The following PRKG1 variants were observed in gnomAD, a reference collection of about 807,000 sequenced individuals.
The protein encoded by PRKG1 is protein kinase cGMP-dependent 1.
Under a neutral mutation model 88.1 loss-of-function variants are expected in PRKG1, and 35 were observed. The ratio of observed to expected loss-of-function variants is 0.40; its 90% CI spans 0.30 to 0.53. The LOEUF is 0.53. Among genes scored for constraint, PRKG1 ranks in the 20% least tolerant of loss-of-function variants. The pLI, the probability that PRKG1 is intolerant of heterozygous loss-of-function variation, is 0.59. For synonymous variants in PRKG1, 303 were observed against 292.5 expected, an observed-to-expected ratio of 1.04 and a Z score of -0.37; for missense variants, 540 against 839.8, an observed-to-expected ratio of 0.64 and a Z score of 4.41.
chr10:51,514,701 C>A lies in PRKG1; in HGVS notation c.592+46865C>A, dbSNP rs149814123. ...TAAGGAGAAGGGTGACCTGCTTTAA[C>A]AGATTTTAAATCTAGATGAATCTGG... On this transcript the variant is annotated intron_variant, in intron 3 of 17. Coordinates refer to ENST00000373980, the MANE Select transcript of PRKG1 (RefSeq NM_006258.4). Among the ~76,000 whole-genome samples, 352 of 152,272 alleles carry A rather than the reference C, an allele frequency of 2.3e-3. 2 individuals are homozygous for A. Among genetic ancestry groups the A allele is most frequent in the Middle Eastern group, 0.01 (3 of 294 alleles).
chr10:51,105,155 G>A lies in PRKG1; in HGVS notation c.311+30254G>A, dbSNP rs537029080. Among the ~76,000 whole-genome samples, 721 of 152,318 alleles carry A rather than the reference G, an allele frequency of 4.7e-3. 4 individuals carry two copies. Among genetic ancestry groups the A allele is most frequent in the Non-Finnish European group, 7.6e-3 (515 of 68,022 alleles). ...CAAAGTGCTGTGATTGCAGGTGTGA[G>A]CCACTGCACCCAGCCCAGTCTTTCC... On this transcript the variant is annotated intron_variant, in intron 1 of 17. Transcript: ENST00000373980.
At chr10:51,161,972 G>A (rs1489063596) in intron 2 of PRKG1, among the ~76,000 whole-genome samples, 3 of 152,158 alleles carry the variant, frequency 2.0e-5, no homozygotes, top group Admixed American at 1.3e-4. Flanking sequence ...TGAAGAGTTT[G>A]CATGCTGAAC....
At chr10:51,174,024 A>C (rs1481272951) in intron 2 of PRKG1, among the ~76,000 whole-genome samples, 1 of 151,948 alleles carries the variant, frequency 6.6e-6, no homozygotes, top group Non-Finnish European at 1.5e-5. Flanking sequence ...GTATCCCTCA[A>C]GTATATTTTT....
chr10:51,853,948 G>A (rs1840618790), intron 4 of PRKG1, among the ~76,000 whole-genome samples: 1 of 151,922 alleles, frequency 6.6e-6, no homozygotes, highest in Non-Finnish European at 1.5e-5. Context: ...TGTTCAACCA[G>A]CAAGTGGTAA....
intron 3 of PRKG1, chr10:51,697,700 C>G: frequency 1.2e-6 from 2 of 1,613,944 alleles, no homozygotes; most frequent in Non-Finnish European, 1.7e-6. Flanking sequence ...TAAAACCTTT[C>G]AAGACGCTCC....
intron 4 of PRKG1, among the ~76,000 whole-genome samples, chr10:51,855,003 T>C (rs981553402): frequency 1.3e-5 from 2 of 152,258 alleles, no homozygotes; most frequent in Admixed American, 1.3e-4. Context: ...AGTGGATGAG[T>C]GTTAAAACCA....
chr10:51,641,269 T>A (rs1352152917), intron 3 of PRKG1, among the ~76,000 whole-genome samples: 1 of 152,114 alleles, frequency 6.6e-6, no homozygotes, highest in African/African-American at 2.4e-5. Flanking sequence ...GTGGAGAACA[T>A]TACCACCACC....
chr10:51,183,559 T>G (rs1349602896), intron 2 of PRKG1, among the ~76,000 whole-genome samples: 1 of 145,190 alleles, frequency 6.9e-6, no homozygotes, highest in Non-Finnish European at 1.5e-5. Flanking sequence ...TATTGTTGCA[T>G]TTTATAAATG....
chr10:51,034,979 C>T (rs551086268), intron 1 of PRKG1, among the ~76,000 whole-genome samples: 47 of 151,912 alleles, frequency 3.1e-4, no homozygotes, highest in Non-Finnish European at 4.6e-4. Flanking sequence ...TGCCCTCAAT[C>T]TTCTGTAACA....
intron 3 of PRKG1, among the ~76,000 whole-genome samples, chr10:51,691,496 T>C (rs1318975812): frequency 6.6e-6 from 1 of 151,832 alleles, no homozygotes; most frequent in Non-Finnish European, 1.5e-5. Flanking sequence ...TTGTATACTT[T>C]ATAGAGACAG....
intron 2 of PRKG1, among the ~76,000 whole-genome samples, chr10:51,406,391 C>T (rs763500797): frequency 1.3e-5 from 2 of 152,116 alleles, no homozygotes; most frequent in African/African-American, 2.4e-5. Context: ...TATCATTTTA[C>T]TAGCAGATGA....
At chr10:51,909,274 G>A (rs1842161535) in intron 5 of PRKG1, 1 of 152,242 alleles carries the variant, frequency 6.6e-6, no homozygotes, top group Non-Finnish European at 1.5e-5. Flanking sequence ...TTGGCAGGTA[G>A]ATGGTTTCTT....
chr10:51,983,003 G>T (rs1348280279), intron 5 of PRKG1, among the ~76,000 whole-genome samples: 1 of 152,148 alleles, frequency 6.6e-6, no homozygotes, highest in South Asian at 2.1e-4. Context: ...ATGGGGCACT[G>T]GTGGCCTCTT....
intron 2 of PRKG1, among the ~76,000 whole-genome samples, chr10:51,446,386 A>G (rs958657616): frequency 2.0e-5 from 3 of 151,874 alleles, no homozygotes; most frequent in Non-Finnish European, 4.4e-5. Flanking sequence ...TTCCTGATCT[A>G]GGAATTCTTG....
At chr10:51,391,634 A>G (rs889826711) in intron 2 of PRKG1, among the ~76,000 whole-genome samples, 30 of 152,206 alleles carry the variant, frequency 2.0e-4, no homozygotes, top group Admixed American at 1.4e-3. Context: ...TAGGCAGAGA[A>G]AGGATTAGGG....
intron 5 of PRKG1, among the ~76,000 whole-genome samples, chr10:51,966,658 G>A (rs1488225396): frequency 6.6e-6 from 1 of 152,104 alleles, no homozygotes; most frequent in Non-Finnish European, 1.5e-5. Context: ...TCACAGATGA[G>A]GGAGCAAGCA....
intron 5 of PRKG1, among the ~76,000 whole-genome samples, chr10:51,973,014 T>C (rs960226202): frequency 6.6e-6 from 1 of 152,130 alleles, no homozygotes; most frequent in African/African-American, 2.4e-5. Context: ...GTTGCTTCTT[T>C]CTAAGGGTTC....
intron 1 of PRKG1, among the ~76,000 whole-genome samples, chr10:51,065,610 C>T (rs1210528414): frequency 6.6e-6 from 1 of 152,034 alleles, no homozygotes; most frequent in Non-Finnish European, 1.5e-5. Flanking sequence ...TACACAACAC[C>T]ATCAATAAAC....
At chr10:51,427,704 C>T (rs759003188) in intron 2 of PRKG1, among the ~76,000 whole-genome samples, 14 of 152,154 alleles carry the variant, frequency 9.2e-5, no homozygotes, top group Admixed American at 7.2e-4. Context: ...CACGTACCAG[C>T]AGCATTAGTA....
Sources: gnomAD v4.1 joint callset for allele counts (sites outside exome capture counted in the v4.1 genomes callset) on GRCh38, gnomAD v4.1.1 for gene constraint, MANE v1.5 for transcripts, NCBI Gene and HGNC (gene_info 2026-07-23, HGNC 2026-07-21) for gene names.